The following ABI3BP variants were observed in gnomAD, a reference collection of about 807,000 sequenced individuals.
ABI3BP encodes the protein ABI family member 3 binding protein, also known as target of Nesh-SH3.
A neutral mutation model predicts 268.6 loss-of-function variants in ABI3BP; 216 were observed. That is an observed-to-expected ratio of 0.80 (90% CI 0.72 to 0.90). The LOEUF is 0.90. Ranked by LOEUF, ABI3BP falls within the 40% of genes least tolerant of loss-of-function variation. The pLI is 0.00. For missense variants in ABI3BP, 2,090 were observed against 2,182.4 expected (o/e 0.96, Z 0.84); for synonymous variants, 730 against 730.0 (o/e 1.00, Z 0.00).
rs58055202 is a variant in ABI3BP, at chr3:100,916,525, G to C, written c.259+9777C>G. Among the ~76,000 whole-genome samples, 790 of 152,246 alleles carry C rather than the reference G, an allele frequency of 5.2e-3. 10 individuals carry two copies. Among genetic ancestry groups the C allele is most frequent in the African/African-American group, 0.018 (753 of 41,538 alleles). On this transcript the variant is annotated intron_variant, in intron 2 of 67. Transcript: ENST00000471714. ...TACTTGTAGATTTCTTAACCTCTTG[G>C]GGACTCACTGTCTTCAGTGGGGCAA... is the stretch of plus-strand genomic sequence containing the variant.
chr3:100,922,969 T>C (rs904164242), intron 2 of ABI3BP, among the ~76,000 whole-genome samples: 1 of 152,118 alleles, frequency 6.6e-6, no homozygotes, highest in African/African-American at 2.4e-5. Flanking sequence ...GGAACAAAAG[T>C]TCATTTTTGA....
intron 14 of ABI3BP, among the ~76,000 whole-genome samples, chr3:100,853,953 A>C (rs1343963598): frequency 1.3e-5 from 2 of 152,206 alleles, no homozygotes; most frequent in Non-Finnish European, 2.9e-5. Context: ...AAGAGTGCTA[A>C]AAAGCCACAT....
At chr3:100,807,309 T>A (rs564997132) in intron 50 of ABI3BP, among the ~76,000 whole-genome samples, 1 of 152,118 alleles carries the variant, frequency 6.6e-6, no homozygotes, top group African/African-American at 2.4e-5. Context: ...CATTATTTTC[T>A]CAGACTTTTA....
chr3:100,873,226 T>C (rs985140923), intron 9 of ABI3BP, among the ~76,000 whole-genome samples: 15 of 152,302 alleles, frequency 9.8e-5, no homozygotes, highest in Admixed American at 3.9e-4. Context: ...TCTGGATATT[T>C]GAAAAACACA....
At chr3:100,951,436 G>C (rs553650507) in intron 1 of ABI3BP, among the ~76,000 whole-genome samples, 4 of 151,948 alleles carry the variant, frequency 2.6e-5, no homozygotes, top group African/African-American at 9.7e-5. Context: ...TACAATTAAG[G>C]CTACAATCAT....
chr3:100,811,193 C>T (rs1012528733), intron 48 of ABI3BP, 37 bp downstream of exon 48: 1 of 1,514,716 alleles, frequency 6.6e-7, no homozygotes, highest in East Asian at 2.5e-5. Context: ...GCAATGAAGA[C>T]AGAGAGCACC....
At position 100,838,561 on chromosome 3, in the gene ABI3BP, A is replaced by G. The variant is rs764297928; in HGVS notation, c.1946-97T>C. 1.2e-3 allele frequency: 1,217 copies of G among 1,018,286 alleles called. 2 individuals are homozygous for G. Among genetic ancestry groups the G allele is most frequent in the Non-Finnish European group, 1.2e-3 (827 of 678,682 alleles). 63.1% of individuals were successfully genotyped at this position (1,018,286 alleles called of 1,614,324 possible). ...AGAACAAAGACACTATATAAATTCAACGAATCTATAAACATTTCTGGGGTG... is the reference window on the plus strand; with the variant it reads ...AGAACAAAGACACTATATAAATTCAGCGAATCTATAAACATTTCTGGGGTG... On this transcript the variant is annotated intron_variant, in intron 24 of 67. Coordinates refer to ENST00000471714, the MANE Select transcript of ABI3BP (RefSeq NM_001375547.2).
intron 14 of ABI3BP, among the ~76,000 whole-genome samples, chr3:100,860,548 A>T (rs1488179488): frequency 6.6e-6 from 1 of 152,108 alleles, no homozygotes; most frequent in Non-Finnish European, 1.5e-5. Flanking sequence ...GGCATTTCCG[A>T]TATCATCTAT....
intron 59 of ABI3BP, among the ~76,000 whole-genome samples, chr3:100,775,906 C>G (rs1189639459): frequency 1.3e-5 from 2 of 152,064 alleles, no homozygotes; most frequent in African/African-American, 2.4e-5. Flanking sequence ...TGTACTACAG[C>G]AAAGGCAGTG....
intron 2 of ABI3BP, among the ~76,000 whole-genome samples, chr3:100,924,594 A>T (rs867189975): frequency 6.6e-6 from 1 of 152,220 alleles, no homozygotes; most frequent in African/African-American, 2.4e-5. Flanking sequence ...TCATTTTAAT[A>T]CTCTTTCCTT....
chr3:100,906,810 T>C (rs1033909652), intron 2 of ABI3BP, among the ~76,000 whole-genome samples: 2 of 152,246 alleles, frequency 1.3e-5, no homozygotes, highest in Admixed American at 1.3e-4. Flanking sequence ...ATAATTGCAG[T>C]TTGATAAATC....
At chr3:100,982,373 C>A (rs929949142) in intron 1 of ABI3BP, among the ~76,000 whole-genome samples, 1 of 152,158 alleles carries the variant, frequency 6.6e-6, no homozygotes, top group Middle Eastern at 3.4e-3. Flanking sequence ...CAAAAAAATC[C>A]ATTAATGCCA....
Position 100,864,892 on chromosome 3 carries a change from A to T in ABI3BP, c.1004T>A (p.Val335Asp), listed in dbSNP as rs2099035076. The part of the protein sequence containing the change: ...ARPTTVTPET[V>D]PRSTKPTTSS... ...CGTAGTGGGTTTAGTGCTTCTTGGA[A>T]CTGTTTCAGGAGTCACTGAAAGGTA... The change falls in exon 11 of 68, where the codon GTT becomes GAT. Residue 335 changes from valine to aspartate, a missense_variant. Coordinates refer to ENST00000471714, the MANE Select transcript of ABI3BP (RefSeq NM_001375547.2). The T allele has an allele frequency of 6.2e-7, 1 of 1,607,214 alleles. No individual in the cohort carries two copies. Among genetic ancestry groups the T allele is most frequent in the Non-Finnish European group, 8.5e-7 (1 of 1,177,584 alleles).
At chr3:100,831,815 T>C (rs746774896) in intron 31 of ABI3BP, among the ~76,000 whole-genome samples, 5 of 152,190 alleles carry the variant, frequency 3.3e-5, no homozygotes, top group Non-Finnish European at 7.3e-5. Context: ...TGCAATGCAA[T>C]AAATTATATT....
At chr3:100,806,290 C>A (rs970281703) in intron 50 of ABI3BP, among the ~76,000 whole-genome samples, 2 of 151,970 alleles carry the variant, frequency 1.3e-5, no homozygotes, top group Admixed American at 1.3e-4. Context: ...ATATTACAGC[C>A]CAACAACAAT....
At chr3:100,882,171 T>A (rs2039620545) in intron 6 of ABI3BP, among the ~76,000 whole-genome samples, 1 of 152,196 alleles carries the variant, frequency 6.6e-6, no homozygotes, top group Admixed American at 6.5e-5. Context: ...TTTCAATGTG[T>A]CTTTTTGCTT....
Position 100,812,513 on chromosome 3 carries a change from A to C in ABI3BP, c.3375T>G (p.Val1125=). The change falls in exon 46 of 68, where the codon GTT becomes GTG. Residue 1125 remains valine, a synonymous_variant. Transcript: ENST00000471714. ...EMTESQPVSD[V]LESVTLSTES... is the part of the protein sequence containing the mutation. The stretch of plus-strand genomic sequence containing the variant: ...CAGTACTAAGTGTAACCGATTCCAG[A>C]ACATCAGAAACTAGTAAAAAACAGA... 1 of 1,331,292 alleles carries C rather than the reference A, an allele frequency of 7.5e-7. No individual in the cohort carries two copies. The allele number at this position is 1,331,292 out of a possible 1,614,324, so 82.5% of individuals were successfully genotyped here.
intron 28 of ABI3BP, 65 bp from the exon 29 acceptor site, chr3:100,834,838 G>T: frequency 7.1e-7 from 1 of 1,408,980 alleles, no homozygotes; most frequent in Non-Finnish European, 9.6e-7. Flanking sequence ...GATTACACAT[G>T]GTTCTAGGTT....
At chr3:100,754,488 A>G (rs2095513893) in intron 64 of ABI3BP, 124 bp downstream of exon 64, 1 of 957,986 alleles carries the variant, frequency 1.0e-6, no homozygotes. Context: ...TTTTCCCACA[A>G]ATGGGTTTTT....
Sources: gnomAD v4.1 joint callset for allele counts (sites outside exome capture counted in the v4.1 genomes callset) on GRCh38, gnomAD v4.1.1 for gene constraint, MANE v1.5 for transcripts, NCBI Gene and HGNC (gene_info 2026-07-23, HGNC 2026-07-21) for gene names.